TMTC2: variants seen among roughly 807,000 people sequenced by gnomAD.
TMTC2 encodes the protein transmembrane O-mannosyltransferase targeting cadherins 2, also known as protein O-mannosyl-transferase TMTC2.
A neutral mutation model predicts 82.4 loss-of-function variants in TMTC2; 43 were observed. That is an observed-to-expected ratio of 0.52 (90% CI 0.41 to 0.67). The LOEUF is 0.67. Ranked by LOEUF, TMTC2 falls within the 30% of genes least tolerant of loss-of-function variation. The pLI, the probability that TMTC2 is intolerant of heterozygous loss-of-function variation, is 0.00. For missense variants in TMTC2, 919 were observed against 1,012.4 expected, an observed-to-expected ratio of 0.91 and a Z score of 1.25; for synonymous variants, 408 against 381.9, an observed-to-expected ratio of 1.07 and a Z score of -0.80.
intron 1 of TMTC2, among the ~76,000 whole-genome samples, chr12:82,835,923 T>C (rs1010254788): frequency 7.9e-5 from 12 of 152,318 alleles, no homozygotes; most frequent in Admixed American, 1.3e-4. Context: ...CCTTCTCCAG[T>C]GCTGTGGCCA....
chr12:82,806,949 C>T (rs1016382214), intron 1 of TMTC2, among the ~76,000 whole-genome samples: 12 of 152,038 alleles, frequency 7.9e-5, no homozygotes, highest in Admixed American at 6.6e-4. Flanking sequence ...CATATTTTGT[C>T]CATGAAAATC....
chr12:82,946,113 C>T (rs901182891), intron 4 of TMTC2, among the ~76,000 whole-genome samples: 6 of 152,212 alleles, frequency 3.9e-5, no homozygotes, highest in African/African-American at 1.4e-4. Context: ...GACTTCTGTT[C>T]CCCTATACTT....
chr12:82,781,243 A>G (rs1877887550), intron 1 of TMTC2, among the ~76,000 whole-genome samples: 1 of 152,042 alleles, frequency 6.6e-6, no homozygotes. Context: ...TATCTCTCAA[A>G]CTTTTCAAAA....
chr12:82,789,752 A>G (rs1015737642), intron 1 of TMTC2, among the ~76,000 whole-genome samples: 2 of 152,156 alleles, frequency 1.3e-5, no homozygotes, highest in Non-Finnish European at 2.9e-5. Flanking sequence ...CCTTGAATCT[A>G]TTGTAAGATC....
chr12:82,971,906 A>T (rs1874212477), intron 7 of TMTC2, among the ~76,000 whole-genome samples: 1 of 152,088 alleles, frequency 6.6e-6, no homozygotes, highest in African/African-American at 2.4e-5. Flanking sequence ...CTCTCAAAGA[A>T]CTTTCTGGGA....
At chr12:82,787,926 A>C (rs1878262864) in intron 1 of TMTC2, among the ~76,000 whole-genome samples, 1 of 151,904 alleles carries the variant, frequency 6.6e-6, no homozygotes, top group Non-Finnish European at 1.5e-5. Flanking sequence ...TAATAATAAT[A>C]ATAATAATTT....
chr12:82,972,719 T>C (rs1257614760), intron 7 of TMTC2, among the ~76,000 whole-genome samples: 1 of 152,214 alleles, frequency 6.6e-6, no homozygotes, highest in African/African-American at 2.4e-5. Context: ...AATCACCTTC[T>C]GAAAACAATG....
intron 1 of TMTC2, among the ~76,000 whole-genome samples, chr12:82,738,919 A>G (rs1213514845): frequency 6.6e-6 from 1 of 152,072 alleles, no homozygotes; most frequent in Non-Finnish European, 1.5e-5. Flanking sequence ...AGGCCAAGGT[A>G]GGTGGATCAC....
chr12:83,096,484 T>G (rs1207292520), intron 11 of TMTC2, among the ~76,000 whole-genome samples: 1 of 152,198 alleles, frequency 6.6e-6, no homozygotes, highest in Non-Finnish European at 1.5e-5. Context: ...AAAAGGAGCT[T>G]TAATGGACAG....
chr12:82,755,151 A>G (rs1027284578), intron 1 of TMTC2, among the ~76,000 whole-genome samples: 92 of 152,332 alleles, frequency 6.0e-4, no homozygotes, highest in African/African-American at 2.2e-3. Flanking sequence ...ATGTGATTTA[A>G]ATTCTGATTA....
chr12:82,931,763 A>G (rs952233107), intron 4 of TMTC2, among the ~76,000 whole-genome samples: 1 of 152,198 alleles, frequency 6.6e-6, no homozygotes, highest in African/African-American at 2.4e-5. Flanking sequence ...CTTTATAAAC[A>G]TAGATAGCAT....
intron 11 of TMTC2, 32 bp downstream of exon 11, chr12:83,061,863 G>A (rs1306235864): frequency 6.5e-7 from 1 of 1,527,454 alleles, no homozygotes; most frequent in Admixed American, 1.9e-5. Context: ...AACATTTTCA[G>A]AGGGATAGAC....
intron 11 of TMTC2, among the ~76,000 whole-genome samples, chr12:83,103,777 C>T (rs552808260): frequency 6.6e-6 from 1 of 152,298 alleles, no homozygotes; most frequent in South Asian, 2.1e-4. Flanking sequence ...TAACTCATTC[C>T]AGCTTAACTC....
At chr12:82,811,942 C>T (rs185562402) in intron 1 of TMTC2, among the ~76,000 whole-genome samples, 2 of 151,376 alleles carry the variant, frequency 1.3e-5, no homozygotes, top group East Asian at 1.9e-4. Context: ...TCAGTCCCCC[C>T]GAGCAGCTGG....
chr12:82,802,186 G>A (rs558908477), intron 1 of TMTC2, among the ~76,000 whole-genome samples: 1 of 152,270 alleles, frequency 6.6e-6, no homozygotes, highest in East Asian at 1.9e-4. Context: ...CTAAGGCCCC[G>A]TGAGAAATCA....
At chr12:82,767,021 AGC>A (rs1877003522) in intron 1 of TMTC2, among the ~76,000 whole-genome samples, 5 of 152,218 alleles carry the variant, frequency 3.3e-5, no homozygotes, top group African/African-American at 1.2e-4. Context: ...GATTGACAAT[AGC>A]TTTTTTTTCA....
chr12:82,821,156 G>T (rs1249429643), intron 1 of TMTC2, among the ~76,000 whole-genome samples: 1 of 152,128 alleles, frequency 6.6e-6, no homozygotes, highest in Non-Finnish European at 1.5e-5. Context: ...ACAGTGCCTG[G>T]CCAATTCTAG....
At chr12:83,026,951 G>A (rs1881209374) in intron 8 of TMTC2, among the ~76,000 whole-genome samples, 2 of 151,998 alleles carry the variant, frequency 1.3e-5, no homozygotes, top group Admixed American at 1.3e-4. Context: ...AAATTTTACT[G>A]AATATTTCTC....
chr12:82,861,495 T>C (rs1871547420), intron 2 of TMTC2, among the ~76,000 whole-genome samples: 1 of 152,244 alleles, frequency 6.6e-6, no homozygotes, highest in Admixed American at 6.5e-5. Context: ...TCATCAGACT[T>C]TTGCAGTTTT....
Sources: gnomAD v4.1 joint callset for allele counts (sites outside exome capture counted in the v4.1 genomes callset) on GRCh38, gnomAD v4.1.1 for gene constraint, MANE v1.5 for transcripts, NCBI Gene and HGNC (gene_info 2026-07-23, HGNC 2026-07-21) for gene names.